The following CDH12 variants were observed in gnomAD, a reference collection of about 807,000 sequenced individuals.
The protein encoded by CDH12 is cadherin 12.
CDH12 carries 41 observed loss-of-function variants against 74.1 expected under a neutral mutation model. The ratio of observed to expected loss-of-function variants is 0.55; its 90% CI spans 0.43 to 0.72. The LOEUF (loss-of-function observed/expected upper bound fraction) is 0.72, where lower values mean the gene tolerates loss of function less well. Ranked by LOEUF, CDH12 falls within the 30% of genes least tolerant of loss-of-function variation. CDH12 has a pLI of 0.00. For missense variants in CDH12, 945 were observed against 977.2 expected (o/e 0.97, Z 0.44); for synonymous variants, 399 against 355.0 (o/e 1.12, Z -1.39).
chr5:22,098,311 CG>C (rs113246925), intron 4 of CDH12, among the ~76,000 whole-genome samples: 2,829 of 152,248 alleles, frequency 0.019, 91 homozygotes, highest in African/African-American at 0.065. Flanking sequence ...CCATGCTGAT[CG>C]TGTCCAGCTA....
chr5:22,678,687 G>T (rs1741338556), intron 1 of CDH12, among the ~76,000 whole-genome samples: 1 of 151,910 alleles, frequency 6.6e-6, no homozygotes. Flanking sequence ...TACAGCATTT[G>T]AACTTCTTTA....
At chr5:22,583,140 G>A (rs1053904492) in intron 1 of CDH12, among the ~76,000 whole-genome samples, 22 of 152,084 alleles carry the variant, frequency 1.4e-4, no homozygotes, top group African/African-American at 5.1e-4. Flanking sequence ...AACGGAAAAG[G>A]GGTTCTTACC....
intron 3 of CDH12, among the ~76,000 whole-genome samples, chr5:22,332,032 C>A (rs563436714): frequency 2.0e-4 from 30 of 151,982 alleles, no homozygotes; most frequent in Non-Finnish European, 4.1e-4. Flanking sequence ...TTCAAAAGGG[C>A]AAATCTAAGA....
chr5:21,911,248 A>G (rs1283684841), intron 6 of CDH12, among the ~76,000 whole-genome samples: 2 of 152,204 alleles, frequency 1.3e-5, no homozygotes, highest in Non-Finnish European at 2.9e-5. Flanking sequence ...AAATTGTGGT[A>G]TATAGAAGTA....
intron 3 of CDH12, among the ~76,000 whole-genome samples, chr5:22,357,370 G>A (rs1283731871): frequency 1.3e-5 from 2 of 152,066 alleles, no homozygotes; most frequent in Non-Finnish European, 2.9e-5. Context: ...AGATTGCTTA[G>A]ATTTTGAGGT....
At chr5:21,764,516 G>C (rs1335672332) in intron 12 of CDH12, among the ~76,000 whole-genome samples, 1 of 151,778 alleles carries the variant, frequency 6.6e-6, no homozygotes, top group Non-Finnish European at 1.5e-5. Flanking sequence ...GGGCATGGTG[G>C]CGCATGCCTA....
At chr5:21,835,420 A>C (rs1749476964) in intron 8 of CDH12, among the ~76,000 whole-genome samples, 1 of 151,808 alleles carries the variant, frequency 6.6e-6, no homozygotes, top group South Asian at 2.1e-4. Flanking sequence ...TTTACATCAC[A>C]GAACACTTGT....
chr5:22,820,564 C>G (rs1365988274), intron 1 of CDH12, among the ~76,000 whole-genome samples: 2 of 152,100 alleles, frequency 1.3e-5, no homozygotes, highest in African/African-American at 4.8e-5. Flanking sequence ...CACCACCGAT[C>G]CCACAGAAAT....
intron 4 of CDH12, among the ~76,000 whole-genome samples, chr5:22,080,368 GTC>G (rs1742641096): frequency 1.3e-5 from 2 of 151,980 alleles, no homozygotes; most frequent in Non-Finnish European, 2.9e-5. Flanking sequence ...GATGAGGAGT[GTC>G]CAAAAGTTAT....
At chr5:22,396,765 G>T (rs1288714913) in intron 3 of CDH12, among the ~76,000 whole-genome samples, 1 of 152,054 alleles carries the variant, frequency 6.6e-6, no homozygotes, top group Non-Finnish European at 1.5e-5. Flanking sequence ...CAGCATTTCA[G>T]CAAGTTGGTT....
At chr5:22,579,227 T>G (rs551180352) in intron 1 of CDH12, among the ~76,000 whole-genome samples, 19 of 152,176 alleles carry the variant, frequency 1.2e-4, no homozygotes, top group Non-Finnish European at 2.1e-4. Context: ...TAGGCTACTG[T>G]GACTACTTCC....
At chr5:21,916,849 G>C (rs947040438) in intron 6 of CDH12, among the ~76,000 whole-genome samples, 1 of 152,190 alleles carries the variant, frequency 6.6e-6, no homozygotes, top group Non-Finnish European at 1.5e-5. Flanking sequence ...GCCAGGCAAG[G>C]CTTCATTTTG....
chr5:22,067,760 A>G (rs1157167074), intron 5 of CDH12, among the ~76,000 whole-genome samples: 1 of 151,934 alleles, frequency 6.6e-6, no homozygotes, highest in African/African-American at 2.4e-5. Flanking sequence ...TTCAAAAGAT[A>G]CTCTCCTTTT....
chr5:21,980,152 A>T (rs1757246003), intron 5 of CDH12, among the ~76,000 whole-genome samples: 1 of 149,810 alleles, frequency 6.7e-6, no homozygotes, highest in African/African-American at 2.5e-5. Context: ...GTATAATAAA[A>T]AAAAAAAACA....
chr5:22,121,844 C>T (rs1330304975), intron 4 of CDH12, among the ~76,000 whole-genome samples: 1 of 152,108 alleles, frequency 6.6e-6, no homozygotes, highest in African/African-American at 2.4e-5. Flanking sequence ...TTGTTCACTT[C>T]TAGTTACAAA....
intron 1 of CDH12, among the ~76,000 whole-genome samples, chr5:22,625,722 G>A (rs1012376741): frequency 6.6e-6 from 1 of 152,108 alleles, no homozygotes; most frequent in African/African-American, 2.4e-5. Flanking sequence ...CATGCTTGCA[G>A]GGCATATTTG....
At chr5:22,437,022 A>G (rs909625537) in intron 2 of CDH12, among the ~76,000 whole-genome samples, 1 of 152,144 alleles carries the variant, frequency 6.6e-6, no homozygotes, top group Non-Finnish European at 1.5e-5. Context: ...CATGCCTTTT[A>G]TACCTTTTAA....
chr5:22,456,911 G>A (rs1350319450), intron 2 of CDH12, among the ~76,000 whole-genome samples: 2 of 151,852 alleles, frequency 1.3e-5, no homozygotes, highest in African/African-American at 2.4e-5. Flanking sequence ...TGTGCTTGGA[G>A]TTCCATTCTG....
At chr5:22,275,530 T>C (rs187776701) in intron 3 of CDH12, among the ~76,000 whole-genome samples, 1 of 152,088 alleles carries the variant, frequency 6.6e-6, no homozygotes, top group Non-Finnish European at 1.5e-5. Context: ...TTAAAATTAG[T>C]TTTGAGTCAT....
Sources: allele counts gnomAD v4.1 joint callset (sites outside exome capture counted in the v4.1 genomes callset), GRCh38; gene constraint gnomAD v4.1.1; transcripts MANE v1.5; gene names NCBI Gene and HGNC (gene_info 2026-07-23, HGNC 2026-07-21).